The following DMD variants were observed in gnomAD, a reference collection of about 807,000 sequenced individuals.
The protein encoded by DMD is dystrophin.
A neutral mutation model predicts 330.1 loss-of-function variants in DMD; 63 were observed. The observed-to-expected ratio is 0.19, with a 90% CI of 0.16 to 0.24. The LOEUF (loss-of-function observed/expected upper bound fraction) is 0.24. DMD is among the 10% of genes least tolerant of loss of function. The pLI is 1.00. For synonymous variants in DMD, 1,223 were observed against 959.8 expected, an observed-to-expected ratio of 1.27 and a Z score of -5.07; for missense variants, 3,344 against 2,684.1, an observed-to-expected ratio of 1.25 and a Z score of -5.43.
intron 7 of DMD, among the ~76,000 whole-genome samples, chrX:32,729,534 A>G: frequency 9.0e-6 from 1 of 111,590 alleles, no homozygotes; most frequent in Non-Finnish European, 1.9e-5. Context: ...GAGGAGTATT[A>G]TATGCTTCAA....
intron 2 of DMD, among the ~76,000 whole-genome samples, chrX:32,866,496 A>G (rs1233341880): frequency 1.8e-5 from 2 of 111,027 alleles, no homozygotes; most frequent in Non-Finnish European, 3.8e-5. Flanking sequence ...TTTTATGAGA[A>G]ATATCAAGCT....
intron 44 of DMD, among the ~76,000 whole-genome samples, chrX:32,050,989 C>CTTTTTTTTTTTTTTTTTTTTTTTT (rs1397574225): frequency 2.7e-5 from 1 of 37,334 alleles, no homozygotes; most frequent in African/African-American, 1.8e-4. Context: ...TTTTTTTTTC[C>CTTTTTTTTTTTTTTTTTTTTTTTT]CCCTAATAGA....
chrX:31,611,512 T>C (rs959048658), intron 55 of DMD, among the ~76,000 whole-genome samples: 1 of 112,251 alleles, frequency 8.9e-6, no homozygotes, highest in East Asian at 2.8e-4. Context: ...TAAGGATACT[T>C]AAAAGCGAAT....
At chrX:32,875,516 A>G (rs1324375843) in intron 2 of DMD, among the ~76,000 whole-genome samples, 2 of 112,191 alleles carry the variant, frequency 1.8e-5, no homozygotes, top group African/African-American at 6.5e-5. Context: ...TTTCACTTTA[A>G]TCCAGTGCCA....
chrX:31,417,068 G>A (rs1206411641), intron 60 of DMD, among the ~76,000 whole-genome samples: 1 of 111,799 alleles, frequency 8.9e-6, no homozygotes, highest in East Asian at 2.8e-4. Flanking sequence ...TTATAGCACA[G>A]GCTTTTAAAT....
intron 74 of DMD, among the ~76,000 whole-genome samples, chrX:31,156,497 T>C (rs1426617892): frequency 9.0e-6 from 1 of 111,691 alleles, no homozygotes; most frequent in African/African-American, 3.3e-5. Context: ...AGAACAAGGC[T>C]TGAGAGATGG....
At chrX:32,519,152 A>C (rs1423650069) in intron 17 of DMD, among the ~76,000 whole-genome samples, 3 of 106,183 alleles carry the variant, frequency 2.8e-5, no homozygotes, top group African/African-American at 1.0e-4. Flanking sequence ...TAAGACTATG[A>C]ATAGCCTTTC....
chrX:31,870,124 A>C (rs1363546170), intron 48 of DMD, among the ~76,000 whole-genome samples: 1 of 111,914 alleles, frequency 8.9e-6, no homozygotes, highest in Non-Finnish European at 1.9e-5. Flanking sequence ...TCCCTTGAAC[A>C]AAATGGAGGG....
At chrX:32,726,947 C>T (rs1281426010) in intron 7 of DMD, among the ~76,000 whole-genome samples, 1 of 109,903 alleles carries the variant, frequency 9.1e-6, no homozygotes, top group East Asian at 2.9e-4. Flanking sequence ...AAAGTGAGCC[C>T]AATAATAAAG....
chrX:31,399,320 C>A (rs1163287185), intron 60 of DMD, among the ~76,000 whole-genome samples: 2 of 108,540 alleles, frequency 1.8e-5, no homozygotes, highest in Non-Finnish European at 3.8e-5. Flanking sequence ...GCTATGCTGT[C>A]AAACTGTCCC....
chrX:31,522,363 C>CTCTATATA, intron 55 of DMD, among the ~76,000 whole-genome samples: 19 of 35,960 alleles, frequency 5.3e-4, no homozygotes, highest in African/African-American at 1.5e-3. Context: ...CTCTCTCTCT[C>CTCTATATA]TATATATATA....
intron 62 of DMD, among the ~76,000 whole-genome samples, chrX:31,284,825 AACACACACACACACACACACAC>A (rs61401043): frequency 2.2e-5 from 2 of 91,509 alleles, no homozygotes; most frequent in African/African-American, 8.1e-5. Context: ...TAATGGCTTA[AACACACACACACACACACACAC>A]ACACACACAC....
chrX:32,288,412 C>A (rs1448511379), intron 42 of DMD, among the ~76,000 whole-genome samples: 1 of 111,622 alleles, frequency 9.0e-6, no homozygotes, highest in African/African-American at 3.3e-5. Flanking sequence ...GCTTGACTTT[C>A]AGGACATATG....
chrX:32,168,252 A>G (rs768367056), intron 44 of DMD, among the ~76,000 whole-genome samples: 1 of 111,713 alleles, frequency 9.0e-6, no homozygotes, highest in Non-Finnish European at 1.9e-5. Flanking sequence ...TAGGCTCCCA[A>G]GCTAGAATGA....
intron 41 of DMD, among the ~76,000 whole-genome samples, chrX:32,341,018 T>G (rs1056096005): frequency 7.1e-5 from 8 of 112,124 alleles, no homozygotes; most frequent in African/African-American, 2.6e-4. Context: ...TGCAACATAC[T>G]TCCCTTATAT....
chrX:33,259,459 A>C (rs2052914508), intron 1 of DMD, among the ~76,000 whole-genome samples: 1 of 110,300 alleles, frequency 9.1e-6, no homozygotes, highest in South Asian at 3.8e-4. Flanking sequence ...AAAATCTAAA[A>C]TTCAAATGCT....
chrX:33,260,349 C>T (rs757497795), intron 1 of DMD, among the ~76,000 whole-genome samples: 1 of 111,387 alleles, frequency 9.0e-6, no homozygotes, highest in East Asian at 2.8e-4. Flanking sequence ...CAGCGACACA[C>T]TCCTAAAATC....
intron 52 of DMD, among the ~76,000 whole-genome samples, chrX:31,697,162 CACACTTGCG>C (rs745631972): frequency 9.0e-6 from 1 of 111,434 alleles, no homozygotes; most frequent in East Asian, 2.8e-4. Flanking sequence ...AGAATTTTAC[CACACTTGCG>C]ACACTTCACC....
chrX:31,377,055 A>T (rs930107301), intron 60 of DMD, among the ~76,000 whole-genome samples: 14 of 112,201 alleles, frequency 1.2e-4, no homozygotes, highest in African/African-American at 4.2e-4. Context: ...CGTTACACAA[A>T]AAGATTTTAT....
Sources: allele counts gnomAD v4.1 joint callset (sites outside exome capture counted in the v4.1 genomes callset), GRCh38; gene constraint gnomAD v4.1.1; transcripts MANE v1.5; gene names NCBI Gene and HGNC (gene_info 2026-07-23, HGNC 2026-07-21).